The following ENTREP2 variants were observed in gnomAD, a reference collection of about 807,000 sequenced individuals.
The protein encoded by ENTREP2 is endosomal transmembrane epsin interactor 2.
At chr15:29,334,695 A>C in the ENTREP2 span, among the ~76,000 whole-genome samples, 2 of 152,140 alleles carry the variant, frequency 1.3e-5, no homozygotes, top group African/African-American at 4.8e-5. Context: ...AGCCTCTCGC[A>C]CACCGGCCGG....
At chr15:29,449,831 G>C in the ENTREP2 span, among the ~76,000 whole-genome samples, 1 of 152,238 alleles carries the variant, frequency 6.6e-6, no homozygotes, top group Admixed American at 6.5e-5. Flanking sequence ...TCACATTATG[G>C]TGAAATTGGG....
At chr15:29,284,438 T>C in the ENTREP2 span, among the ~76,000 whole-genome samples, 1 of 150,992 alleles carries the variant, frequency 6.6e-6, no homozygotes, top group Non-Finnish European at 1.5e-5. Context: ...AGGCCTGTAA[T>C]CCCAGCTACT....
chr15:29,647,806 T>C, the ENTREP2 span, among the ~76,000 whole-genome samples: 29 of 152,128 alleles, frequency 1.9e-4, no homozygotes, highest in African/African-American at 6.5e-4. Context: ...AGTGGCTACA[T>C]ATGATAAAGC....
the ENTREP2 span, among the ~76,000 whole-genome samples, chr15:29,604,231 T>C: frequency 1.3e-5 from 2 of 152,210 alleles, no homozygotes; most frequent in Admixed American, 6.5e-5. Context: ...CAAATTAAAG[T>C]GGCAATGACA....
the ENTREP2 span, among the ~76,000 whole-genome samples, chr15:29,644,160 T>C: frequency 2.1e-4 from 32 of 152,148 alleles, no homozygotes; most frequent in African/African-American, 7.2e-4. Flanking sequence ...GGAAACAGCA[T>C]GCTAAGTGAA....
At chr15:29,259,741 C>G in the ENTREP2 span, among the ~76,000 whole-genome samples, 1 of 151,886 alleles carries the variant, frequency 6.6e-6, no homozygotes, top group East Asian at 1.9e-4. Flanking sequence ...CTTCAGGAGG[C>G]CAAGGCAGGC....
the ENTREP2 span, among the ~76,000 whole-genome samples, chr15:29,223,362 G>A: frequency 6.6e-6 from 1 of 152,144 alleles, no homozygotes; most frequent in Non-Finnish European, 1.5e-5. Context: ...CAGCCTCTGG[G>A]ATTCTGTTTC....
At chr15:29,152,450 C>T in the ENTREP2 span, among the ~76,000 whole-genome samples, 1 of 152,216 alleles carries the variant, frequency 6.6e-6, no homozygotes, top group Non-Finnish European at 1.5e-5. Context: ...TTCTGATCCC[C>T]TGTCAATCGC....
chr15:29,209,681 C>T, the ENTREP2 span, among the ~76,000 whole-genome samples: 1 of 152,030 alleles, frequency 6.6e-6, no homozygotes, highest in East Asian at 1.9e-4. Context: ...GATTTTGGTT[C>T]CTCCGCCTGG....
chr15:29,316,977 A>G, the ENTREP2 span, among the ~76,000 whole-genome samples: 1 of 152,232 alleles, frequency 6.6e-6, no homozygotes, highest in Non-Finnish European at 1.5e-5. Context: ...GAACTAAACA[A>G]AGGCCAGTTA....
the ENTREP2 span, among the ~76,000 whole-genome samples, chr15:29,468,855 G>GT: frequency 1.9e-4 from 29 of 152,046 alleles, no homozygotes; most frequent in African/African-American, 6.8e-4. Context: ...TGTAACCCCA[G>GT]TTTTCAGGGC....
the ENTREP2 span, among the ~76,000 whole-genome samples, chr15:29,653,943 T>C: frequency 1.3e-5 from 2 of 152,230 alleles, no homozygotes; most frequent in East Asian, 3.9e-4. Context: ...CCCTTATTAC[T>C]GGATATCAAG....
At chr15:29,536,696 A>C in the ENTREP2 span, among the ~76,000 whole-genome samples, 1 of 152,112 alleles carries the variant, frequency 6.6e-6, no homozygotes, top group Non-Finnish European at 1.5e-5. Context: ...TTGCAGATTT[A>C]ACCAAATTAA....
chr15:29,668,249 A>G, the ENTREP2 span, among the ~76,000 whole-genome samples: 1 of 152,192 alleles, frequency 6.6e-6, no homozygotes, highest in Non-Finnish European at 1.5e-5. Flanking sequence ...ATTGTCTGCT[A>G]TTGCCAGTCC....
the ENTREP2 span, among the ~76,000 whole-genome samples, chr15:29,475,897 T>A: frequency 4.1e-4 from 63 of 152,310 alleles, no homozygotes; most frequent in African/African-American, 1.3e-3. Flanking sequence ...GGTCTCCTAC[T>A]TCCCTGCCCA....
chr15:29,139,732 G>C, the ENTREP2 span, among the ~76,000 whole-genome samples: 1 of 152,178 alleles, frequency 6.6e-6, no homozygotes, highest in African/African-American at 2.4e-5. Flanking sequence ...GGGACATGTT[G>C]GCCCCACCTT....
the ENTREP2 span, among the ~76,000 whole-genome samples, chr15:29,405,393 A>G: frequency 6.8e-6 from 1 of 147,468 alleles, no homozygotes; most frequent in African/African-American, 2.5e-5. Context: ...CGTCTCCAGA[A>G]AAAAAAAAAA....
the ENTREP2 span, among the ~76,000 whole-genome samples, chr15:29,118,537 G>C: frequency 2.0e-5 from 3 of 152,358 alleles, no homozygotes; most frequent in East Asian, 5.8e-4. Flanking sequence ...AACTGGAGGT[G>C]CCAGCAATGC....
chr15:29,478,977 G>T, the ENTREP2 span, among the ~76,000 whole-genome samples: 858 of 147,518 alleles, frequency 5.8e-3, 12 homozygotes, highest in African/African-American at 0.019. Context: ...GGTGGATCAC[G>T]AGGTCAGGAG....
Sources: allele counts gnomAD v4.1 joint callset (sites outside exome capture counted in the v4.1 genomes callset), GRCh38; gene constraint gnomAD v4.1.1; transcripts MANE v1.5; gene names NCBI Gene and HGNC (gene_info 2026-07-23, HGNC 2026-07-21).